GPC3: variants seen among roughly 807,000 people sequenced by gnomAD.
The protein encoded by GPC3 is glypican 3.
Under a neutral mutation model 34.4 loss-of-function variants are expected in GPC3, and 3 were observed. The observed-to-expected ratio is 0.09, with a 90% CI of 0.04 to 0.23. The LOEUF (loss-of-function observed/expected upper bound fraction) is 0.23. Ranked by LOEUF, GPC3 falls within the 10% of genes least tolerant of loss-of-function variation. The pLI, the probability that GPC3 is intolerant of heterozygous loss-of-function variation, is 1.00. For synonymous variants in GPC3, 177 were observed against 174.0 expected (o/e 1.02, Z -0.13); for missense variants, 351 against 445.6 (o/e 0.79, Z 1.91).
chrX:133,909,904 T>A lies in GPC3; in HGVS notation c.337+43146A>T, dbSNP rs752710722. Among the ~76,000 whole-genome samples, 9 of 111,764 alleles carry A rather than the reference T, an allele frequency of 8.1e-5. No individual in the cohort carries two copies. The East Asian group carries it at 2.5e-3, about 31-fold the overall frequency. On this transcript the variant is annotated intron_variant, in intron 2 of 7. Coordinates refer to ENST00000370818, the MANE Select transcript of GPC3 (RefSeq NM_004484.4). ...CATACTCCTCTACTCTAGAATCTTG[T>A]CTCTTGAAGGTTTGGAATCAGAAAT...
chrX:133,655,476 C>CCA (rs758691994), intron 6 of GPC3, among the ~76,000 whole-genome samples: 4,389 of 97,475 alleles, frequency 0.045, 200 homozygotes, highest in African/African-American at 0.13. Context: ...CTTCACACAC[C>CCA]CACACACACA....
chrX:133,896,839 G>A (rs1290233592), intron 2 of GPC3, among the ~76,000 whole-genome samples: 1 of 109,438 alleles, frequency 9.1e-6, no homozygotes, highest in Non-Finnish European at 1.9e-5. Flanking sequence ...AGAACACCTA[G>A]TACCTACAGG....
At chrX:133,655,753 G>C (rs912052395) in intron 6 of GPC3, among the ~76,000 whole-genome samples, 2 of 111,918 alleles carry the variant, frequency 1.8e-5, no homozygotes, top group Non-Finnish European at 3.8e-5. Context: ...GTGTTATTGT[G>C]AGAAGACTAT....
At chrX:133,861,358 T>G (rs912904470) in intron 2 of GPC3, among the ~76,000 whole-genome samples, 9 of 110,531 alleles carry the variant, frequency 8.1e-5, no homozygotes, top group South Asian at 8.0e-4. Context: ...GAATTTAGAT[T>G]CTAGGAGCTA....
At chrX:133,939,767 C>G (rs184108618) in intron 2 of GPC3, among the ~76,000 whole-genome samples, 1 of 111,415 alleles carries the variant, frequency 9.0e-6, no homozygotes, top group African/African-American at 3.3e-5. Context: ...CTAATTATAC[C>G]ACTTAAATTT....
intron 2 of GPC3, among the ~76,000 whole-genome samples, chrX:133,946,195 AT>A (rs1372118132): frequency 9.0e-6 from 1 of 111,526 alleles, no homozygotes; most frequent in Non-Finnish European, 1.9e-5. Flanking sequence ...GAAAGTTAGA[AT>A]TGAGGAGACT....
intron 2 of GPC3, among the ~76,000 whole-genome samples, chrX:133,931,745 T>C (rs977533483): frequency 8.9e-6 from 1 of 112,068 alleles, no homozygotes; most frequent in African/African-American, 3.2e-5. Flanking sequence ...GACTAAGCCC[T>C]AAATGACAGC....
chrX:133,896,930 G>A (rs1212967771), intron 2 of GPC3, among the ~76,000 whole-genome samples: 2 of 90,974 alleles, frequency 2.2e-5, no homozygotes, highest in African/African-American at 8.6e-5. Flanking sequence ...TTTTTGAGAT[G>A]GAGTCTCGCT....
At chrX:133,771,322 C>T (rs1398458415) in intron 2 of GPC3, among the ~76,000 whole-genome samples, 2 of 112,583 alleles carry the variant, frequency 1.8e-5, no homozygotes, top group African/African-American at 3.2e-5. Flanking sequence ...TGAGATTGGG[C>T]ATTTTAAACA....
At chrX:133,898,644 G>A (rs139053935) in intron 2 of GPC3, among the ~76,000 whole-genome samples, 445 of 111,914 alleles carry the variant, frequency 4.0e-3, no homozygotes, top group African/African-American at 0.013. Context: ...ACTCATCCTT[G>A]GGAAATCCAA....
chrX:133,849,699 A>G (rs2075863746), intron 2 of GPC3, among the ~76,000 whole-genome samples: 1 of 111,727 alleles, frequency 9.0e-6, no homozygotes, highest in South Asian at 3.8e-4. Flanking sequence ...CCTTTGGTCC[A>G]GTCCTCACCT....
At chrX:133,593,284 G>T (rs1421232288) in intron 7 of GPC3, among the ~76,000 whole-genome samples, 1 of 88,475 alleles carries the variant, frequency 1.1e-5, no homozygotes, top group African/African-American at 4.4e-5. Flanking sequence ...AGCCAAGATT[G>T]TGTCACTGCA....
chrX:133,726,548 C>T (rs181739925), intron 3 of GPC3, among the ~76,000 whole-genome samples: 5 of 110,918 alleles, frequency 4.5e-5, no homozygotes, highest in East Asian at 2.9e-4. Context: ...TATTCACTTC[C>T]GTAATCACTC....
chrX:133,893,945 G>A (rs187593447), intron 2 of GPC3, among the ~76,000 whole-genome samples: 18 of 111,035 alleles, frequency 1.6e-4, no homozygotes, highest in Non-Finnish European at 2.6e-4. Context: ...TCTGCCTCCC[G>A]GGTTCAAGTG....
At chrX:133,797,917 C>A (rs902695046) in intron 2 of GPC3, among the ~76,000 whole-genome samples, 2 of 111,062 alleles carry the variant, frequency 1.8e-5, no homozygotes, top group Admixed American at 9.6e-5. Flanking sequence ...TCTTTCAATA[C>A]CCCCTCCAAA....
chrX:133,757,626 G>A (rs1445320727), intron 2 of GPC3, among the ~76,000 whole-genome samples: 1 of 111,114 alleles, frequency 9.0e-6, no homozygotes, highest in Non-Finnish European at 1.9e-5. Context: ...AATGAACCAT[G>A]GAATCTCTTT....
At chrX:133,703,442 C>T (rs2071183188) in intron 3 of GPC3, among the ~76,000 whole-genome samples, 1 of 109,516 alleles carries the variant, frequency 9.1e-6, no homozygotes, top group African/African-American at 3.3e-5. Context: ...GGGCCTCTGA[C>T]CATATCCAGG....
chrX:133,651,702 T>C (rs1439544698), intron 6 of GPC3, among the ~76,000 whole-genome samples: 3 of 111,727 alleles, frequency 2.7e-5, no homozygotes, highest in Non-Finnish European at 5.6e-5. Flanking sequence ...GTTAAGTCAC[T>C]AGCAAAAACT....
chrX:133,659,638 G>A (rs999270911), intron 6 of GPC3, among the ~76,000 whole-genome samples: 2 of 111,839 alleles, frequency 1.8e-5, no homozygotes, highest in Non-Finnish European at 3.8e-5. Context: ...GAGGCTGTGA[G>A]GACAGAGGAC....
Sources: gnomAD v4.1 joint callset for allele counts (sites outside exome capture counted in the v4.1 genomes callset) on GRCh38, gnomAD v4.1.1 for gene constraint, MANE v1.5 for transcripts, NCBI Gene and HGNC (gene_info 2026-07-23, HGNC 2026-07-21) for gene names.